The following BCAS3 variants were observed in gnomAD, a reference collection of about 807,000 sequenced individuals.
BCAS3 encodes the protein BCAS4/BCAS3 fusion.
A neutral mutation model predicts 116.1 loss-of-function variants in BCAS3; 53 were observed. The observed-to-expected ratio is 0.46, with a 90% confidence interval of 0.37 to 0.57. BCAS3 has a LOEUF of 0.57. Among genes scored for constraint, BCAS3 ranks in the 20% least tolerant of loss-of-function variants. BCAS3 has a pLI of 0.00. For synonymous variants in BCAS3, 391 were observed against 408.2 expected (o/e 0.96, Z 0.51); for missense variants, 917 against 1,165.4 (o/e 0.79, Z 3.10).
At chr17:60,706,067 CT>C (rs1055034612) in intron 4 of BCAS3, among the ~76,000 whole-genome samples, 3 of 151,028 alleles carry the variant, frequency 2.0e-5, no homozygotes, top group Non-Finnish European at 4.4e-5. Context: ...AGGATGAAGA[CT>C]TTTTTTTTAT....
chr17:61,023,282 G>A lies in BCAS3; in HGVS notation c.1637+7381G>A, dbSNP rs1291764937. Reference sequence around the variant, plus strand: ...GCTTCAATATTTGACACATAATGTTGTATAGCTTTTTCTCTGCTTCATCTC... The same window carrying A: ...GCTTCAATATTTGACACATAATGTTATATAGCTTTTTCTCTGCTTCATCTC... On this transcript the variant is annotated intron_variant, in intron 16 of 23. Coordinates refer to ENST00000407086, the MANE Select transcript of BCAS3 (RefSeq NM_017679.5). This position sits in a 1 kb window ranked among gnomAD's most constrained non-coding sequence, Gnocchi z 4.8. Among the ~76,000 whole-genome samples the A allele has an allele frequency of 6.6e-6, 1 of 152,090 alleles. No homozygotes were observed. Among genetic ancestry groups the A allele is most frequent in the Non-Finnish European group, 1.5e-5 (1 of 68,002 alleles).
At position 60,990,303 on chromosome 17, in the gene BCAS3, G is replaced by T; in HGVS notation, c.1486+68G>T. ...CTTTGTCCTTATTTTTACAGATCTG[G>T]GATAAAACTAAACTTGTTATAGTCT... On this transcript the variant is annotated intron_variant, in intron 15 of 23. Transcript: ENST00000407086. This position sits in a 1 kb window ranked among gnomAD's most constrained non-coding sequence, Gnocchi z 5.1. 1.3e-6 allele frequency: 2 copies of T among 1,517,154 alleles called. No homozygotes were observed. The highest frequency in any genetic ancestry group is 2.3e-5 in the East Asian group (1 of 44,110). The allele number at this position is 1,517,154 out of a possible 1,614,324, so 94.0% of individuals were successfully genotyped here.
intron 22 of BCAS3, among the ~76,000 whole-genome samples, chr17:61,293,836 C>T (rs1265609185): frequency 6.6e-6 from 1 of 152,232 alleles, no homozygotes; most frequent in Admixed American, 6.5e-5. Flanking sequence ...TCTCAGCTCA[C>T]GGCAACCTCT....
intron 13 of BCAS3, among the ~76,000 whole-genome samples, chr17:60,933,564 A>G (rs559575579): frequency 1.5e-4 from 23 of 152,316 alleles, no homozygotes; most frequent in East Asian, 1.3e-3. Context: ...CAGACTTGAA[A>G]TTCTTCTGGT....
At position 61,381,260 on chromosome 17, in the gene BCAS3, G is replaced by A. The variant is rs948006029; in HGVS notation, c.2594-10717G>A. 2.0e-5 allele frequency among the ~76,000 whole-genome samples: 3 copies of A among 152,182 alleles called. No homozygotes were observed. Among genetic ancestry groups the A allele is most frequent in the Admixed American group, 2.0e-4 (3 of 15,284 alleles). ...TCTAGATTTGTTATTCCTCCTGGAG[G>A]AGCAAATGGAAAGGCTCGCCTGAGC... On this transcript the variant is annotated intron_variant, in intron 23 of 23. Coordinates refer to ENST00000407086, the MANE Select transcript of BCAS3 (RefSeq NM_017679.5). This position sits in a 1 kb window ranked among gnomAD's most constrained non-coding sequence, Gnocchi z 6.0.
At chr17:61,036,055 C>CAAT (rs1008311397) in intron 17 of BCAS3, among the ~76,000 whole-genome samples, 5 of 152,188 alleles carry the variant, frequency 3.3e-5, no homozygotes, top group African/African-American at 1.2e-4. Context: ...TCACCAGGGT[C>CAAT]AATACCTAAA....
At chr17:61,127,611 C>G (rs908399199) in intron 22 of BCAS3, among the ~76,000 whole-genome samples, 2 of 149,962 alleles carry the variant, frequency 1.3e-5, no homozygotes, top group African/African-American at 4.9e-5. Flanking sequence ...TTTTTATCAT[C>G]GTAGAAAGTT....
chr17:61,003,484 G>C (rs975876141), intron 15 of BCAS3, among the ~76,000 whole-genome samples: 1 of 144,188 alleles, frequency 6.9e-6, no homozygotes, highest in Non-Finnish European at 1.5e-5. Context: ...ATCGAGACAA[G>C]GTTTTGCCAT....
Position 61,368,451 on chromosome 17 carries a change from C to A in BCAS3, c.2550C>A (p.Ala850=). 6.2e-7 allele frequency: 1 copy of A among 1,612,000 alleles called. No individual in the cohort carries two copies. The highest frequency in any genetic ancestry group is 1.1e-5 in the South Asian group (1 of 91,000). Residue 850 remains alanine (A), a synonymous_variant, in exon 23 of 24, where the codon GCC becomes GCA. Coordinates refer to ENST00000407086, the MANE Select transcript of BCAS3 (RefSeq NM_017679.5). This position sits in a 1 kb window ranked among gnomAD's most constrained non-coding sequence, Gnocchi z 6.0. ...GCCTCCGGGAGCGACTTGCCGACGC[C>A]ATGGCCGAGTCACCTAGCCGGGACG... The part of the protein sequence containing the change: ...EEGLRERLAD[A]MAESPSRDVV...
In BCAS3 at chr17:61,391,966, G is replaced by A. The variant is rs568535252; in HGVS notation, c.2594-11G>A. 6.2e-6 allele frequency: 10 copies of A among 1,612,904 alleles called. No homozygotes were observed. The highest frequency in any genetic ancestry group is 4.4e-5 in the South Asian group (4 of 91,016). Reference sequence around the variant, plus strand: ...CTCTAACCAGGCCTGGCCCTCTCCTGTGTCTTGCAGAACTTCAGCGAGAGG... The same window carrying A: ...CTCTAACCAGGCCTGGCCCTCTCCTATGTCTTGCAGAACTTCAGCGAGAGG... On this transcript the variant is annotated splice_polypyrimidine_tract_variant and intron_variant, in intron 23 of 23. Coordinates refer to ENST00000407086, the MANE Select transcript of BCAS3 (RefSeq NM_017679.5). This position sits in a 1 kb window ranked among gnomAD's most constrained non-coding sequence, Gnocchi z 7.7.
intron 6 of BCAS3, among the ~76,000 whole-genome samples, chr17:60,764,908 AG>A (rs1420819029): frequency 2.0e-5 from 3 of 152,126 alleles, no homozygotes; most frequent in East Asian, 1.9e-4. Flanking sequence ...TATTTAGAAT[AG>A]TTAGCTCTTC....
rs1271442453 is a variant in BCAS3, at chr17:61,041,228, T to G, written c.2029+336T>G. Among the ~76,000 whole-genome samples the G allele has an allele frequency of 1.3e-5, 2 of 150,454 alleles. No individual in the cohort carries two copies. Among genetic ancestry groups the G allele is most frequent in the African/African-American group, 5.0e-5 (2 of 39,960 alleles). On this transcript the variant is annotated intron_variant, in intron 19 of 23. Coordinates refer to ENST00000407086, the MANE Select transcript of BCAS3 (RefSeq NM_017679.5). The surrounding 1 kb of genome is among the most constrained non-coding windows in gnomAD (Gnocchi z 4.7). ...AAAAAGTTTCATAAAGCTTGGAATCTGTTTCTAACATGGAAAAAAAAAAAC... is the reference window on the plus strand; with the variant it reads ...AAAAAGTTTCATAAAGCTTGGAATCGGTTTCTAACATGGAAAAAAAAAAAC...
chr17:60,984,820 G>T (rs1479103028), intron 14 of BCAS3, among the ~76,000 whole-genome samples: 1 of 151,830 alleles, frequency 6.6e-6, no homozygotes. Flanking sequence ...GACCAGCCTG[G>T]CCAAGATGGT....
At chr17:60,733,994 G>T (rs2040719164) in intron 5 of BCAS3, among the ~76,000 whole-genome samples, 1 of 152,170 alleles carries the variant, frequency 6.6e-6, no homozygotes, top group South Asian at 2.1e-4. Context: ...TTGGAGTGTA[G>T]AAGTTTTAAA....
intron 4 of BCAS3, among the ~76,000 whole-genome samples, chr17:60,698,424 G>C (rs1275947868): frequency 8.6e-5 from 13 of 151,728 alleles, no homozygotes; most frequent in Admixed American, 4.6e-4. Context: ...CAAGAGTACT[G>C]CTTGAGCCCA....
intron 6 of BCAS3, among the ~76,000 whole-genome samples, chr17:60,749,208 CTT>C (rs2042244154): frequency 1.3e-5 from 2 of 152,294 alleles, no homozygotes; most frequent in Admixed American, 1.3e-4. Flanking sequence ...TATTGTCTGT[CTT>C]TATTCTTCCT....
chr17:60,808,260 G>A (rs543759770), intron 7 of BCAS3, among the ~76,000 whole-genome samples, 184 bp downstream of exon 7: 1 of 152,314 alleles, frequency 6.6e-6, no homozygotes, highest in South Asian at 2.1e-4. Context: ...GCTATAGCAT[G>A]TGCCTGACAC....
At chr17:61,092,899 CT>C (rs959718467) in intron 22 of BCAS3, among the ~76,000 whole-genome samples, 3,715 of 79,610 alleles carry the variant, frequency 0.047, 53 homozygotes, top group African/African-American at 0.18. Context: ...TTTGTCCAGT[CT>C]TTTTTTTTTT....
rs897485038 is a variant in BCAS3, at chr17:61,285,361, A to G, written c.2426-82966A>G. Among the ~76,000 whole-genome samples the G allele has an allele frequency of 6.6e-6, 1 of 152,132 alleles. No individual in the cohort carries two copies. Among genetic ancestry groups the G allele is most frequent in the African/African-American group, 2.4e-5 (1 of 41,416 alleles). On this transcript the variant is annotated intron_variant, in intron 22 of 23. Transcript: ENST00000407086. This position sits in a 1 kb window ranked among gnomAD's most constrained non-coding sequence, Gnocchi z 5.4. The stretch of plus-strand genomic sequence containing the variant: ...AAAAGAACTGAGTGCTGCTTCTCCA[A>G]CATAACTTCCAGGTCTGAATACTTT...
Sources: gnomAD v4.1 joint callset for allele counts (sites outside exome capture counted in the v4.1 genomes callset) on GRCh38, gnomAD v4.1.1 for gene constraint, Gnocchi (gnomAD v3.1) non-coding constraint, MANE v1.5 for transcripts, NCBI Gene and HGNC (gene_info 2026-07-23, HGNC 2026-07-21) for gene names.